FOXP1: variants seen among roughly 807,000 people sequenced by gnomAD.
The protein encoded by FOXP1 is forkhead box protein P1.
A neutral mutation model predicts 98.2 loss-of-function variants in FOXP1; 15 were observed. The observed-to-expected ratio is 0.15, with a 90% CI of 0.10 to 0.24. The LOEUF (loss-of-function observed/expected upper bound fraction) is 0.24. FOXP1 is among the 10% of genes least tolerant of loss of function. The probability of loss-of-function intolerance (pLI) is 1.00; values close to 1 mark genes in which losing one functional copy is unlikely to be tolerated. For missense variants in FOXP1, 633 were observed against 848.5 expected, an observed-to-expected ratio of 0.75 and a Z score of 3.15; for synonymous variants, 371 against 314.5, an observed-to-expected ratio of 1.18 and a Z score of -1.90.
intron 3 of FOXP1, among the ~76,000 whole-genome samples, chr3:71,453,035 A>C (rs1211714635): frequency 6.6e-6 from 1 of 152,040 alleles, no homozygotes. Context: ...TACTCTTCTC[A>C]CCCCATCTGC....
At chr3:71,106,878 A>G (rs1047789456) in intron 7 of FOXP1, among the ~76,000 whole-genome samples, 9 of 150,466 alleles carry the variant, frequency 6.0e-5, no homozygotes, top group Non-Finnish European at 1.0e-4. Flanking sequence ...GGCTCATTCA[A>G]TCCTGCCACC....
At position 71,446,344 on chromosome 3, in the gene FOXP1, G is replaced by C. The variant is rs1278701196; in HGVS notation, c.-168+47082C>G. Among the ~76,000 whole-genome samples, 4 of 152,122 alleles carry C rather than the reference G, an allele frequency of 2.6e-5. No homozygotes were observed. The East Asian group carries it at 7.7e-4, about 29-fold the overall frequency. On this transcript the variant is annotated intron_variant, in intron 3 of 20. Transcript: ENST00000649528. ...TAATATGTTGTTGGCAGCCCAGGAGGAAACAGGGAGGGTAATAAGCAGAGA... is the reference window on the plus strand; with the variant it reads ...TAATATGTTGTTGGCAGCCCAGGAGCAAACAGGGAGGGTAATAAGCAGAGA...
intron 7 of FOXP1, among the ~76,000 whole-genome samples, chr3:71,058,316 T>C (rs553533821): frequency 6.6e-6 from 1 of 152,332 alleles, no homozygotes; most frequent in South Asian, 2.1e-4. Context: ...TTACTGTGTA[T>C]ACAAATAATA....
chr3:71,429,676 A>G (rs1324653493), intron 3 of FOXP1, among the ~76,000 whole-genome samples: 1 of 152,216 alleles, frequency 6.6e-6, no homozygotes, highest in African/African-American at 2.4e-5. Flanking sequence ...TTCCATAATG[A>G]TTCGTCTGTG....
chr3:71,453,044 G>A (rs1216945425), intron 3 of FOXP1, among the ~76,000 whole-genome samples: 1 of 152,076 alleles, frequency 6.6e-6, no homozygotes, highest in African/African-American at 2.4e-5. Context: ...CACCCCATCT[G>A]CTTAATTCTT....
intron 5 of FOXP1, among the ~76,000 whole-genome samples, chr3:71,247,461 C>G (rs1320532358): frequency 2.0e-5 from 3 of 152,140 alleles, no homozygotes; most frequent in Non-Finnish European, 4.4e-5. Flanking sequence ...GCCATTTATT[C>G]CAACCTCTGG....
intron 5 of FOXP1, among the ~76,000 whole-genome samples, chr3:71,268,335 C>A (rs986244678): frequency 4.6e-5 from 7 of 151,916 alleles, no homozygotes; most frequent in Non-Finnish European, 1.0e-4. Context: ...ACAGTCACAT[C>A]ACAAGGATAA....
chr3:71,250,558 G>GT (rs1477648792), intron 5 of FOXP1, among the ~76,000 whole-genome samples: 1 of 152,200 alleles, frequency 6.6e-6, no homozygotes, highest in Non-Finnish European at 1.5e-5. Context: ...TGGATACTTG[G>GT]TTTCCAGTAC....
At chr3:70,964,618 C>G (rs3846032) in intron 20 of FOXP1, among the ~76,000 whole-genome samples, 6,261 of 152,198 alleles carry the variant, frequency 0.041, 438 homozygotes, top group African/African-American at 0.14. Context: ...AATGTGGTAA[C>G]AGGAAAATCG....
intron 3 of FOXP1, among the ~76,000 whole-genome samples, chr3:71,388,874 C>T (rs1400303043): frequency 4.6e-5 from 7 of 152,176 alleles, no homozygotes; most frequent in East Asian, 1.9e-4. Flanking sequence ...CTAAATCTAA[C>T]GTGTAGAGCG....
intron 20 of FOXP1, among the ~76,000 whole-genome samples, chr3:70,963,911 G>A (rs1246724643): frequency 1.3e-5 from 2 of 152,190 alleles, no homozygotes; most frequent in African/African-American, 2.4e-5. Context: ...TAGCTAGGCC[G>A]CCTTCCTAAC....
intron 11 of FOXP1, among the ~76,000 whole-genome samples, chr3:71,036,295 G>C (rs17043897): frequency 0.04 from 6,059 of 152,240 alleles, 174 homozygotes; most frequent in East Asian, 0.089. Flanking sequence ...TGACTGAAGA[G>C]AGCATAGGTT....
chr3:71,434,767 G>A (rs2085077656), intron 3 of FOXP1, among the ~76,000 whole-genome samples: 1 of 151,702 alleles, frequency 6.6e-6, no homozygotes, highest in Non-Finnish European at 1.5e-5. Context: ...TAGAGTAGAG[G>A]TGAATATGGC....
chr3:71,473,633 G>A lies in FOXP1; in HGVS notation c.-168+19793C>T, dbSNP rs531797931. Among the ~76,000 whole-genome samples, 12 of 82,758 alleles carry A rather than the reference G, an allele frequency of 1.5e-4. No homozygotes were observed. In the South Asian group the frequency reaches 3.6e-3, roughly 25 times the overall value. 54.3% of individuals were successfully genotyped at this position (82,758 alleles called of 152,430 possible). ...GCCCGCCACCTCCCCGCCACCACCC[G>A]CAAATGAAAGAAAGAGAACAAAAGG... On this transcript the variant is annotated intron_variant, in intron 3 of 20. Coordinates refer to ENST00000649528, the MANE Select transcript of FOXP1 (RefSeq NM_001349338.3).
intron 19 of FOXP1, among the ~76,000 whole-genome samples, chr3:70,967,687 G>GTTTTTTTTTTTGTTTTTTTTTTTTT (rs2035151049): frequency 1.6e-5 from 1 of 61,358 alleles, no homozygotes; most frequent in African/African-American, 5.7e-5. Context: ...ACTATTATTT[G>GTTTTTTTTTTTGTTTTTTTTTTTTT]TTTTTTTTTT....
Position 70,957,343 on chromosome 3 carries a change from T to C in FOXP1, c.*1904A>G, listed in dbSNP as rs114760982. ...AACTTTGGTTCCATTATCTACTTGG[T>C]CTTCTAAATTTACGATGAAGGAGCA... On this transcript the variant is annotated 3_prime_UTR_variant, in exon 21 of 21. Transcript: ENST00000649528. 1.1e-3 allele frequency: 262 copies of C among 228,782 alleles called. 2 individuals are homozygous for C. Among genetic ancestry groups the C allele is most frequent in the African/African-American group, 5.5e-3 (250 of 45,206 alleles). 14.2% of individuals were successfully genotyped at this position (228,782 alleles called of 1,614,324 possible).
Position 71,581,684 on chromosome 3 carries a change from C to G in FOXP1, c.-433G>C, listed in dbSNP as rs990795031. On this transcript the variant is annotated 5_prime_UTR_variant, in exon 2 of 21. Transcript: ENST00000649528. Reference sequence around the variant, plus strand: ...CTCGCCGCGCGCTCTCTTCCTCTTACAAACTTTCGGGTTCTGCAGTCGACA... The same window carrying G: ...CTCGCCGCGCGCTCTCTTCCTCTTAGAAACTTTCGGGTTCTGCAGTCGACA... 3.0e-6 allele frequency: 3 copies of G among 985,688 alleles called. No individual in the cohort carries two copies. Among genetic ancestry groups the G allele is most frequent in the African/African-American group, 1.7e-5 (1 of 57,254 alleles). The allele number at this position is 985,688 out of a possible 1,614,324, so 61.1% of individuals were successfully genotyped here.
At chr3:70,980,156 G>A (rs2107366910) in intron 14 of FOXP1, among the ~76,000 whole-genome samples, 1 of 152,266 alleles carries the variant, frequency 6.6e-6, no homozygotes, top group East Asian at 1.9e-4. Context: ...CAGAGTAGCA[G>A]CCGCAGGATG....
intron 5 of FOXP1, among the ~76,000 whole-genome samples, chr3:71,240,700 C>A (rs900108647): frequency 6.6e-6 from 1 of 151,680 alleles, no homozygotes; most frequent in African/African-American, 2.4e-5. Context: ...TGCCACCATG[C>A]CCGGCTAATT....
Sources: gnomAD v4.1 joint callset for allele counts (sites outside exome capture counted in the v4.1 genomes callset) on GRCh38, gnomAD v4.1.1 for gene constraint, MANE v1.5 for transcripts, NCBI Gene and HGNC (gene_info 2026-07-23, HGNC 2026-07-21) for gene names.